Variants in DYNLT2B observed in about 807,000 individuals in gnomAD.
DYNLT2B encodes the protein dynein light chain Tctex-type 2B.
A neutral mutation model predicts 19.5 loss-of-function variants in DYNLT2B; 14 were observed. That is an observed-to-expected ratio of 0.72 (90% CI 0.47 to 1.12). The LOEUF is 1.12. Ranked by LOEUF, DYNLT2B falls within the 50% of genes most tolerant of loss-of-function variation. The probability of loss-of-function intolerance (pLI) is 0.00; values close to 1 mark genes in which losing one functional copy is unlikely to be tolerated. For synonymous variants in DYNLT2B, 70 were observed against 59.7 expected (o/e 1.17, Z -0.79); for missense variants, 133 against 174.7 (o/e 0.76, Z 1.35).
At chr3:196,295,155 AAAT>A (rs1372089777) in intron 4 of DYNLT2B, among the ~76,000 whole-genome samples, 4 of 151,702 alleles carry the variant, frequency 2.6e-5, no homozygotes, top group South Asian at 4.2e-4. Flanking sequence ...AGTAAATATA[AAAT>A]AATAACTTCA....
intron 4 of DYNLT2B, among the ~76,000 whole-genome samples, chr3:196,293,695 A>G (rs1726149134): frequency 7.5e-6 from 1 of 133,174 alleles, no homozygotes; most frequent in African/African-American, 2.8e-5. Flanking sequence ...TCCAGGCTGG[A>G]GTACAGTGGC....
rs1339214118 is a variant in DYNLT2B, at chr3:196,306,961, TG to T, written c.298del (p.Gln100LysfsTer27). On this transcript the variant is annotated frameshift_variant, in exon 3 of 5. Transcript: ENST00000325318. LOFTEE classifies it high-confidence loss of function. ...TACTCACAATACTCCTTCACCTCTT[TG>T]TTCTCCAATCACTACTTGCACCACC... ...KMVVQVVIGEQRGEGVFMASR... is the reference protein window; with the variant it reads ...KMVVQVVIGEXRGEGVFMASR... 6.2e-7 allele frequency: 1 copy of T among 1,614,102 alleles called. No homozygotes were observed. Among genetic ancestry groups the T allele is most frequent in the Admixed American group, 1.7e-5 (1 of 60,016 alleles).
rs1292189022 is a variant in DYNLT2B at position 196,313,199 on chromosome 3, AT to A, written c.247+2898del. On this transcript the variant is annotated intron_variant, in intron 2 of 4. Transcript: ENST00000325318. ...TTGTAATGTTTGCCTAGTATTAATG[AT>A]TTTTTTTTTTTTTTTGAGACAGAGT... Among the ~76,000 whole-genome samples, 1,042 of 141,160 alleles carry A rather than the reference AT, an allele frequency of 7.4e-3. 3 individuals carry two copies. The highest frequency in any genetic ancestry group is 0.015 in the Middle Eastern group (4 of 272). 92.6% of individuals were successfully genotyped at this position (141,160 alleles called of 152,430 possible). A position where few individuals can be genotyped will look rare whatever the true frequency, so the allele number is the denominator to read the frequency against.
At chr3:196,291,510 A>C in intron 4 of DYNLT2B, 136 bp from the exon 5 acceptor site, 1 of 806,832 alleles carries the variant, frequency 1.2e-6, no homozygotes, top group Non-Finnish European at 1.9e-6. Context: ...ACAGGGTGTC[A>C]CTCTATCACC....
intron 3 of DYNLT2B, among the ~76,000 whole-genome samples, chr3:196,296,927 T>TA (rs925940346): frequency 2.8e-4 from 42 of 147,406 alleles, no homozygotes; most frequent in East Asian, 6.0e-4. Context: ...CCCTGGCTCT[T>TA]AAAAAAAAAA....
In DYNLT2B at chr3:196,291,288, T is replaced by C; in HGVS notation, c.*39A>G. ...AACAATATTAAAAAGTTCAGATTTC[T>C]TCATGGTCATGTCTTTTACCAGCTT... On this transcript the variant is annotated 3_prime_UTR_variant, in exon 5 of 5. Transcript: ENST00000325318. 3 of 1,578,216 alleles carry C rather than the reference T, an allele frequency of 1.9e-6. No homozygotes were observed. In the African/African-American group the frequency reaches 4.1e-5, roughly 22 times the overall value.
chr3:196,317,178 TGTGTTGTG>T (rs1374470009), intron 1 of DYNLT2B, among the ~76,000 whole-genome samples: 1 of 101,618 alleles, frequency 9.8e-6, no homozygotes, highest in African/African-American at 4.0e-5. Context: ...TGTGTGTGTG[TGTGTTGTG>T]TGTGTGTGTG....
chr3:196,312,038 G>A (rs746252238), intron 2 of DYNLT2B, among the ~76,000 whole-genome samples: 1 of 152,098 alleles, frequency 6.6e-6, no homozygotes, highest in African/African-American at 2.4e-5. Flanking sequence ...GCGCCACCAC[G>A]CCTGGCTAAT....
intron 3 of DYNLT2B, among the ~76,000 whole-genome samples, chr3:196,296,956 G>GGCTT (rs1428540971): frequency 2.0e-5 from 3 of 148,282 alleles, no homozygotes; most frequent in African/African-American, 7.5e-5. Context: ...CACTTTGGGA[G>GGCTT]GCCAAGGCGG....
rs1442472607 is a variant in DYNLT2B, at chr3:196,296,206, A to G, written c.318-137T>C. Reference sequence around the variant, plus strand: ...AAACCTTTCACAGGTAGGTACCCACAGAGTATTGTATTTGTACCAGAGAGT... The same window carrying G: ...AAACCTTTCACAGGTAGGTACCCACGGAGTATTGTATTTGTACCAGAGAGT... On this transcript the variant is annotated intron_variant, in intron 3 of 4. Transcript: ENST00000325318. The G allele has an allele frequency of 8.3e-6, 6 of 721,962 alleles. No homozygotes were observed. In the East Asian group the frequency reaches 1.6e-4, roughly 19 times the overall value. The allele number at this position is 721,962 out of a possible 1,614,324, so 44.7% of individuals were successfully genotyped here.
At chr3:196,296,279 C>T in intron 3 of DYNLT2B, 1 of 498,012 alleles carries the variant, frequency 2.0e-6, no homozygotes, top group Admixed American at 3.5e-5. Context: ...CTGCTTGCAA[C>T]TAGAGGTGAC....
chr3:196,317,763 C>T (rs1377593048), intron 1 of DYNLT2B, among the ~76,000 whole-genome samples: 1 of 152,174 alleles, frequency 6.6e-6, no homozygotes, highest in Admixed American at 6.5e-5. Flanking sequence ...GACGCCATCG[C>T]GGGTTTCCCA....
At chr3:196,298,407 C>A (rs778994276) in intron 3 of DYNLT2B, among the ~76,000 whole-genome samples, 1 of 151,978 alleles carries the variant, frequency 6.6e-6, no homozygotes, top group African/African-American at 2.4e-5. Context: ...CTCCACCTCC[C>A]GGGTTCAATG....
chr3:196,297,592 C>A (rs985491135), intron 3 of DYNLT2B, among the ~76,000 whole-genome samples: 1 of 151,982 alleles, frequency 6.6e-6, no homozygotes, highest in African/African-American at 2.4e-5. Flanking sequence ...TTCTATTAAA[C>A]GTATGTGTAT....
chr3:196,318,075 C>G lies in DYNLT2B; in HGVS notation c.78G>C (p.Glu26Asp), dbSNP rs749000598. 1 of 1,565,108 alleles carries G rather than the reference C, an allele frequency of 6.4e-7. No homozygotes were observed. Among genetic ancestry groups the G allele is most frequent in the Non-Finnish European group, 8.6e-7 (1 of 1,160,038 alleles). Residue 26 changes from glutamate (E) to aspartate (D), a missense_variant, in exon 1 of 5, where the codon GAG becomes GAC. Coordinates refer to ENST00000325318, the MANE Select transcript of DYNLT2B (RefSeq NM_152773.5). ...AAACAGGCCGCAGAATATAGGTGTTCTCGGGCTCCCCTGCGTTCTTCTCAG... is the reference window on the plus strand; with the variant it reads ...AAACAGGCCGCAGAATATAGGTGTTGTCGGGCTCCCCTGCGTTCTTCTCAG... ...PEAEKNAGEP[E>D]NTYILRPVFQ...
At chr3:196,309,277 T>C (rs2108795590) in intron 2 of DYNLT2B, among the ~76,000 whole-genome samples, 1 of 152,242 alleles carries the variant, frequency 6.6e-6, no homozygotes, top group Admixed American at 6.5e-5. Flanking sequence ...TTTTTTTCTT[T>C]TTTTTGAGAT....
chr3:196,309,949 A>G (rs1387015718), intron 2 of DYNLT2B, among the ~76,000 whole-genome samples: 1 of 149,690 alleles, frequency 6.7e-6, no homozygotes, highest in Non-Finnish European at 1.5e-5. Flanking sequence ...ACTCAGTCCA[A>G]AAAAAAAAAG....
chr3:196,310,429 G>C (rs972468390), intron 2 of DYNLT2B, among the ~76,000 whole-genome samples: 1 of 150,362 alleles, frequency 6.7e-6, no homozygotes, highest in Non-Finnish European at 1.5e-5. Flanking sequence ...GATTTTGTTT[G>C]ATTTGGTTTG....
At chr3:196,303,567 A>G (rs767731052) in intron 3 of DYNLT2B, among the ~76,000 whole-genome samples, 3 of 152,198 alleles carry the variant, frequency 2.0e-5, no homozygotes, top group African/African-American at 4.8e-5. Context: ...TCTTCCTTCC[A>G]AAAACCTGTA....
Sources: allele counts gnomAD v4.1 joint callset (sites outside exome capture counted in the v4.1 genomes callset), GRCh38; gene constraint gnomAD v4.1.1; transcripts MANE v1.5; gene names NCBI Gene and HGNC (gene_info 2026-07-23, HGNC 2026-07-21).